ADA: variants seen among roughly 807,000 people sequenced by gnomAD.
The protein encoded by ADA is adenosine deaminase.
Under a neutral mutation model 49.0 loss-of-function variants are expected in ADA, and 45 were observed. That is an observed-to-expected ratio of 0.92 (90% CI 0.72 to 1.18). ADA has a LOEUF of 1.18. Ranked by LOEUF, ADA falls within the 50% of genes most tolerant of loss-of-function variation. ADA has a pLI of 0.00. For missense variants in ADA, 445 were observed against 472.5 expected, an observed-to-expected ratio of 0.94 and a Z score of 0.54; for synonymous variants, 173 against 184.2, an observed-to-expected ratio of 0.94 and a Z score of 0.49.
chr20:44,638,069 G>A (rs2065496639), intron 1 of ADA, among the ~76,000 whole-genome samples: 2 of 152,184 alleles, frequency 1.3e-5, no homozygotes, highest in African/African-American at 4.8e-5. Flanking sequence ...GAGTCACACT[G>A]TATAGAGCAT....
At chr20:44,628,323 G>A (rs912789886) in intron 3 of ADA, among the ~76,000 whole-genome samples, 3 of 152,144 alleles carry the variant, frequency 2.0e-5, no homozygotes, top group South Asian at 2.1e-4. Context: ...TCAGGAATTC[G>A]AGACCAGCCT....
rs770723333 is a variant in ADA, at chr20:44,651,566, C to T, written c.33+9G>A. 6.5e-7 allele frequency: 1 copy of T among 1,537,226 alleles called. No homozygotes were observed. The highest frequency in any genetic ancestry group is 8.7e-7 in the Non-Finnish European group (1 of 1,148,394). Reference sequence around the variant, plus strand: ...GACCCCCGTCCCCGGAGCCCCCGCGCGCGCTCACTTTGGGCTTGTCGAAGG... The same window carrying T: ...GACCCCCGTCCCCGGAGCCCCCGCGTGCGCTCACTTTGGGCTTGTCGAAGG... On this transcript the variant is annotated intron_variant, in intron 1 of 11. Coordinates refer to ENST00000372874, the MANE Select transcript of ADA (RefSeq NM_000022.4).
intron 1 of ADA, among the ~76,000 whole-genome samples, chr20:44,647,615 T>C (rs2065604484): frequency 6.6e-6 from 1 of 151,804 alleles, no homozygotes; most frequent in Non-Finnish European, 1.5e-5. Context: ...GTCCAGAGGA[T>C]TCCGTGAGAT....
Position 44,623,064 on chromosome 20 carries a change from G to T in ADA, c.621C>A (p.Ser207Arg). Residue 207 changes from serine (S) to arginine (R), a missense_variant, in exon 7 of 12, where the codon AGC becomes AGA. Transcript: ENST00000372874. The stretch of plus-strand genomic sequence containing the variant: ...CGGCGTGGACAGTACGGTGAATGCC[G>T]CTCTTCACAGCCTCCTGGAAGGGGG... The part of the protein sequence containing the change: ...HVQAYQEAVK[S>R]GIHRTVHAGE... The T allele has an allele frequency of 1.2e-6, 2 of 1,614,006 alleles. No homozygotes were observed. Among genetic ancestry groups the T allele is most frequent in the South Asian group, 1.1e-5 (1 of 91,076 alleles).
intron 5 of ADA, 110 bp from the exon 6 acceptor site, chr20:44,624,439 A>G: frequency 1.4e-6 from 2 of 1,457,636 alleles, no homozygotes; most frequent in South Asian, 2.3e-5. Flanking sequence ...AGCACAAAAC[A>G]GGGCTCAGTG....
At chr20:44,639,557 C>T (rs1189347220) in intron 1 of ADA, among the ~76,000 whole-genome samples, 1 of 152,064 alleles carries the variant, frequency 6.6e-6, no homozygotes, top group Non-Finnish European at 1.5e-5. Flanking sequence ...GGACTACAGG[C>T]ACCCACCACC....
rs778197097 is a variant in ADA, at chr20:44,636,304, G to A, written c.34-16C>T. The A allele has an allele frequency of 4.4e-6, 7 of 1,590,006 alleles. No homozygotes were observed. In the Admixed American group the frequency reaches 5.2e-5, roughly 12 times the overall value. ...GCAGTTCCACCTGCAAGGGGGCAGG[G>A]GGAAGAGAGAGAGAAAGGGAGAGAG... On this transcript the variant is annotated splice_polypyrimidine_tract_variant and intron_variant, in intron 1 of 11. Transcript: ENST00000372874.
chr20:44,625,726 A>G, intron 4 of ADA, 42 bp from the exon 5 acceptor site: 1 of 1,482,688 alleles, frequency 6.7e-7, no homozygotes, highest in South Asian at 1.2e-5. Flanking sequence ...AGGCAAAAGG[A>G]AGGCCTAAAG....
At chr20:44,625,235 G>A (rs1361092157) in intron 5 of ADA, among the ~76,000 whole-genome samples, 2 of 152,164 alleles carry the variant, frequency 1.3e-5, no homozygotes, top group Non-Finnish European at 2.9e-5. Context: ...GACAGGATGG[G>A]GCCTGGTCCA....
At chr20:44,643,470 T>C (rs2065556926) in intron 1 of ADA, among the ~76,000 whole-genome samples, 1 of 152,198 alleles carries the variant, frequency 6.6e-6, no homozygotes, top group Non-Finnish European at 1.5e-5. Context: ...AGACCCTTTA[T>C]CTCATTTAAT....
intron 9 of ADA, among the ~76,000 whole-genome samples, chr20:44,621,607 T>C (rs563652979): frequency 6.6e-6 from 1 of 152,336 alleles, no homozygotes; most frequent in Non-Finnish European, 1.5e-5. Flanking sequence ...CTAATGGATC[T>C]TTCCTAGCTC....
At chr20:44,650,714 G>A (rs1218267143) in intron 1 of ADA, among the ~76,000 whole-genome samples, 1 of 152,090 alleles carries the variant, frequency 6.6e-6, no homozygotes, top group East Asian at 1.9e-4. Flanking sequence ...GATTACAGGC[G>A]TGAGCCAACC....
chr20:44,628,912 A>C, intron 3 of ADA, 135 bp downstream of exon 3: 17 of 1,337,146 alleles, frequency 1.3e-5, no homozygotes, highest in Non-Finnish European at 1.8e-5. Flanking sequence ...GAGACTCACT[A>C]AGTGTACACA....
Position 44,622,641 on chromosome 20 carries a change from C to G in ADA, c.792G>C (p.Trp264Cys). 1 of 1,614,226 alleles carries G rather than the reference C, an allele frequency of 6.2e-7. No homozygotes were observed. Among genetic ancestry groups the G allele is most frequent in the Non-Finnish European group, 8.5e-7 (1 of 1,180,034 alleles). ...QENMHFEICP[W>C]SSYLTGAWKP... ...TCCAGGCACCAGTGAGGTAGCTGGA[C>G]CAGGGGCAGATCTGGAAGAGCAGGT... The change falls in exon 9 of 12, where the codon TGG becomes TGC. Residue 264 changes from tryptophan (W) to cysteine (C), a missense_variant. By Grantham distance (215) the Trp-to-Cys change is radical (BLOSUM62 -2). Transcript: ENST00000372874.
At chr20:44,631,816 T>C (rs2065436121) in intron 2 of ADA, among the ~76,000 whole-genome samples, 1 of 152,214 alleles carries the variant, frequency 6.6e-6, no homozygotes, top group South Asian at 2.1e-4. Flanking sequence ...TGTGATGTGC[T>C]GGGCACTGGG....
At chr20:44,641,458 G>C (rs1217043479) in intron 1 of ADA, among the ~76,000 whole-genome samples, 1 of 150,444 alleles carries the variant, frequency 6.6e-6, no homozygotes, top group Non-Finnish European at 1.5e-5. Flanking sequence ...AGCAGCCTTG[G>C]AGGGGGCAGG....
In ADA at chr20:44,622,940, A is replaced by T; in HGVS notation, c.679-10T>A. On this transcript the variant is annotated splice_polypyrimidine_tract_variant and intron_variant, in intron 7 of 11. Coordinates refer to ENST00000372874, the MANE Select transcript of ADA (RefSeq NM_000022.4). ...TGAGTATGTCCACAGCCTGTAGAGA[A>T]GCAGAATAGAGCCAAGTATGGGAGG... The T allele has an allele frequency of 6.2e-7, 1 of 1,614,226 alleles. No homozygotes were observed. Among genetic ancestry groups the T allele is most frequent in the Non-Finnish European group, 8.5e-7 (1 of 1,180,036 alleles).
intron 8 of ADA, 23 bp from the exon 9 acceptor site, chr20:44,622,675 G>A: frequency 6.2e-7 from 1 of 1,614,140 alleles, no homozygotes; most frequent in Non-Finnish European, 8.5e-7. Context: ...GTGTGTGGCT[G>A]GCAGGGATGG....
At chr20:44,630,665 A>G (rs244072) in intron 2 of ADA, among the ~76,000 whole-genome samples, 25,621 of 152,222 alleles carry the variant, frequency 0.17, 2,867 homozygotes, top group African/African-American at 0.32. Context: ...AGGAGTAAAC[A>G]GTTAAGGAAA....
Sources: allele counts gnomAD v4.1 joint callset (sites outside exome capture counted in the v4.1 genomes callset), GRCh38; gene constraint gnomAD v4.1.1; transcripts MANE v1.5; gene names NCBI Gene and HGNC (gene_info 2026-07-23, HGNC 2026-07-21).